The following AP3S2 variants were observed in gnomAD, a reference collection of about 807,000 sequenced individuals.
AP3S2 encodes AP-3 complex subunit sigma-2.
In AP3S2, 22 loss-of-function variants were observed where a neutral mutation model predicts 23.4. That is an observed-to-expected ratio of 0.94 (90% CI 0.67 to 1.34). AP3S2 has a LOEUF of 1.34. Among genes scored for constraint, AP3S2 ranks in the 40% most tolerant of loss-of-function variants. The pLI is 0.00. For missense variants in AP3S2, 241 were observed against 236.9 expected, an observed-to-expected ratio of 1.02 and a Z score of -0.11; for synonymous variants, 86 against 87.1, an observed-to-expected ratio of 0.99 and a Z score of 0.07.
Position 89,837,689 on chromosome 15 carries a change from C to A in AP3S2, c.379G>T (p.Gly127Trp), listed in dbSNP as rs555192998. Residue 127 changes from glycine to tryptophan, a missense_variant, in exon 5 of 6, where the codon GGG (glycine) becomes TGG (tryptophan). Transcript: ENST00000336418. The part of the protein sequence containing the change: ...HYILQEVVMG[G>W]MVLETNMNEI... Reference sequence around the variant, plus strand: ...TTCATGTTTGTTTCCAACACCATCCCACCCATCACCACCTCCTGGAGGATG... The same window carrying A: ...TTCATGTTTGTTTCCAACACCATCCAACCCATCACCACCTCCTGGAGGATG... The A allele has an allele frequency of 4.2e-5, 68 of 1,614,164 alleles. 1 individual carries two copies. The East Asian group carries it at 1.4e-3, about 33-fold the overall frequency.
chr15:89,835,462 C>CTTGCTTGTCT lies in AP3S2; in HGVS notation c.*43_*52dup, dbSNP rs370841499. 2,519 of 1,606,022 alleles carry CTTGCTTGTCT rather than the reference C, an allele frequency of 1.6e-3. 47 individuals carry two copies. In the African/African-American group the frequency reaches 0.029, roughly 19 times the overall value. Reference sequence around the variant, plus strand: ...GGGTTCTGTTTCCAGACGTGCTTGCCTTGCTTGTCTTTGCTTGTCTTAAGG... The same window carrying CTTGCTTGTCT: ...GGGTTCTGTTTCCAGACGTGCTTGCCTTGCTTGTCTTTGCTTGTCTTTGCTTGTCTTAAGG... On this transcript the variant is annotated 3_prime_UTR_variant, in exon 6 of 6. Transcript: ENST00000336418.
chr15:89,841,328 C>T (rs771489498), intron 4 of AP3S2, among the ~76,000 whole-genome samples: 2 of 152,110 alleles, frequency 1.3e-5, no homozygotes, highest in Non-Finnish European at 2.9e-5. Context: ...ATTCCAAACC[C>T]CCAAACAGGT....
chr15:89,873,245 T>C (rs1190693673), intron 3 of AP3S2, among the ~76,000 whole-genome samples: 1 of 152,028 alleles, frequency 6.6e-6, no homozygotes. Context: ...TCAATCTTTT[T>C]GGAGCTGCTT....
rs185115644 is a variant in AP3S2 at position 89,878,832 on chromosome 15, C to A, written c.274-7286G>T. Among the ~76,000 whole-genome samples, 295 of 152,282 alleles carry A rather than the reference C, an allele frequency of 1.9e-3. 1 individual carries two copies. The highest frequency in any genetic ancestry group is 1.7e-3 in the Non-Finnish European group (117 of 68,020). On this transcript the variant is annotated intron_variant, in intron 3 of 5. Coordinates refer to ENST00000336418, the MANE Select transcript of AP3S2 (RefSeq NM_005829.5). The stretch of plus-strand genomic sequence containing the variant: ...CATGATCTCGGCTCGCTGCAACCTC[C>A]GCCTCCCAGGTTCAAGTGATTCTCC...
At chr15:89,871,367 GT>G (rs1896314201) in intron 4 of AP3S2, 107 bp downstream of exon 4, 1 of 1,026,024 alleles carries the variant, frequency 9.7e-7, no homozygotes, top group Admixed American at 2.8e-5. Flanking sequence ...TATCTTAAGA[GT>G]AAAAAAAAAC....
intron 4 of AP3S2, among the ~76,000 whole-genome samples, chr15:89,853,566 G>A (rs890916144): frequency 3.3e-5 from 5 of 150,978 alleles, no homozygotes; most frequent in African/African-American, 9.8e-5. Context: ...CTGCCTGGCC[G>A]CCCATCGTCT....
chr15:89,880,539 T>G (rs1446503076), intron 3 of AP3S2, among the ~76,000 whole-genome samples: 1 of 151,934 alleles, frequency 6.6e-6, no homozygotes, highest in African/African-American at 2.4e-5. Flanking sequence ...CCAGGTGCGG[T>G]GGTGGGCGCC....
intron 4 of AP3S2, among the ~76,000 whole-genome samples, chr15:89,859,503 C>T (rs4932256): frequency 0.26 from 38,027 of 147,986 alleles, 5,219 homozygotes; most frequent in South Asian, 0.32. Context: ...AAGCAATTCT[C>T]CTGCCTCACG....
In AP3S2 at chr15:89,888,625, C is replaced by T. The variant is rs771524229; in HGVS notation, c.169G>A (p.Gly57Ser). ...TAGATCAGTTTGTAGTCAGAGCCACCAATCAAACTGCAGAAGATGGGAAAC... is the reference window on the plus strand; with the variant it reads ...TAGATCAGTTTGTAGTCAGAGCCACTAATCAAACTGCAGAAGATGGGAAAC... ...CNFLEGGSLIGGSDYKLIYRH... is the reference protein window; with the variant it reads ...CNFLEGGSLISGSDYKLIYRH... The change falls in exon 3 of 6, where the codon GGT becomes AGT. Residue 57 changes from glycine (G) to serine (S), a missense_variant. Transcript: ENST00000336418. 2.7e-5 allele frequency: 43 copies of T among 1,613,986 alleles called. No individual in the cohort carries two copies. Among genetic ancestry groups the T allele is most frequent in the Non-Finnish European group, 3.6e-5 (43 of 1,179,928 alleles).
At chr15:89,858,445 AAAAGAAAGAAAAAGAAAGAAAG>A (rs1895894613) in intron 4 of AP3S2, among the ~76,000 whole-genome samples, 1 of 150,012 alleles carries the variant, frequency 6.7e-6, no homozygotes, top group Admixed American at 6.7e-5. Flanking sequence ...CCATCTCAAA[AAAAGAAAGAAAAAGAAAGAAAG>A]AAAGAAAGAA....
At chr15:89,866,208 GCCGAGATCA>G (rs1252213221) in intron 4 of AP3S2, among the ~76,000 whole-genome samples, 2 of 140,636 alleles carry the variant, frequency 1.4e-5, no homozygotes, top group Admixed American at 7.4e-5. Flanking sequence ...GTTGCAGTGA[GCCGAGATCA>G]CACAACTGCA....
intron 4 of AP3S2, among the ~76,000 whole-genome samples, chr15:89,864,666 C>G (rs2141871176): frequency 6.6e-6 from 1 of 151,926 alleles, no homozygotes; most frequent in Non-Finnish European, 1.5e-5. Context: ...GCCTCAGCCT[C>G]TCAAGTAGCT....
intron 5 of AP3S2, 98 bp from the exon 6 acceptor site, chr15:89,835,741 A>C: frequency 2.1e-5 from 31 of 1,466,118 alleles, no homozygotes; most frequent in Non-Finnish European, 2.6e-5. Flanking sequence ...AAAAACAAAC[A>C]AGCAGGATGG....
intron 4 of AP3S2, among the ~76,000 whole-genome samples, chr15:89,868,982 T>C (rs1896243836): frequency 6.9e-6 from 1 of 144,386 alleles, no homozygotes; most frequent in Non-Finnish European, 1.5e-5. Context: ...AGCCGCCCCG[T>C]CCGGGAGGTG....
At chr15:89,871,271 T>C (rs1368370947) in intron 4 of AP3S2, among the ~76,000 whole-genome samples, 2 of 152,226 alleles carry the variant, frequency 1.3e-5, no homozygotes, top group Admixed American at 6.5e-5. Flanking sequence ...AATAATCTTA[T>C]GCACGTTAAA....
chr15:89,835,379 T>C lies in AP3S2; in HGVS notation c.*136A>G. ...CCCTTCCCTATTCCATGCCAAACAG[T>C]CTTCCCCAGACACAAAGTTTCCAGG... On this transcript the variant is annotated 3_prime_UTR_variant, in exon 6 of 6. Coordinates refer to ENST00000336418, the MANE Select transcript of AP3S2 (RefSeq NM_005829.5). The C allele has an allele frequency of 6.9e-7, 1 of 1,449,896 alleles. No homozygotes were observed. Among genetic ancestry groups the C allele is most frequent in the Non-Finnish European group, 9.3e-7 (1 of 1,075,990 alleles). The allele number at this position is 1,449,896 out of a possible 1,614,324, so 89.8% of individuals were successfully genotyped here.
intron 4 of AP3S2, among the ~76,000 whole-genome samples, chr15:89,870,998 A>C (rs1896305801): frequency 6.6e-6 from 1 of 152,194 alleles, no homozygotes; most frequent in African/African-American, 2.4e-5. Flanking sequence ...CTTCCTATAG[A>C]ATATCACCTG....
At position 89,893,963 on chromosome 15, in the gene AP3S2, G is replaced by C. The variant is rs1319414860; in HGVS notation, c.-14C>G. ...CGCCTGAATCATCTTTGCCAGCCAC[G>C]GTTCTCTCAGCACCGGCTACTCCCA... On this transcript the variant is annotated 5_prime_UTR_variant, in exon 1 of 6. Transcript: ENST00000336418. 3 of 1,551,030 alleles carry C rather than the reference G, an allele frequency of 1.9e-6. No individual in the cohort carries two copies. The East Asian group carries it at 7.3e-5, about 38-fold the overall frequency.
At chr15:89,860,403 G>A (rs1365408765) in intron 4 of AP3S2, among the ~76,000 whole-genome samples, 1 of 152,188 alleles carries the variant, frequency 6.6e-6, no homozygotes, top group Non-Finnish European at 1.5e-5. Context: ...CCGTGACACT[G>A]TGACAGTCAA....
Sources: allele counts gnomAD v4.1 joint callset (sites outside exome capture counted in the v4.1 genomes callset), GRCh38; gene constraint gnomAD v4.1.1; transcripts MANE v1.5; gene names NCBI Gene and HGNC (gene_info 2026-07-23, HGNC 2026-07-21).